FAM114A1: variants seen among roughly 807,000 people sequenced by gnomAD.
FAM114A1 encodes family with sequence similarity 114 member A1.
Under a neutral mutation model 64.3 loss-of-function variants are expected in FAM114A1, and 62 were observed. That is an observed-to-expected ratio of 0.96 (90% confidence interval 0.79 to 1.19). FAM114A1 has a LOEUF of 1.19. FAM114A1 is among the 50% of genes most tolerant of loss of function. The pLI, the probability that FAM114A1 is intolerant of heterozygous loss-of-function variation, is 0.00. For missense variants in FAM114A1, 645 were observed against 676.3 expected (o/e 0.95, Z 0.51); for synonymous variants, 254 against 251.1 (o/e 1.01, Z -0.11).
chr4:38,868,936 G>T (rs1489337671), intron 2 of FAM114A1, among the ~76,000 whole-genome samples: 2 of 152,214 alleles, frequency 1.3e-5, no homozygotes, highest in Non-Finnish European at 2.9e-5. Flanking sequence ...GGAATGAGAC[G>T]TTAGGGATGG....
chr4:38,894,193 G>A lies in FAM114A1; in HGVS notation c.436+2363G>A, dbSNP rs537739438. Among the ~76,000 whole-genome samples, 494 of 146,958 alleles carry A rather than the reference G, an allele frequency of 3.4e-3. 5 individuals are homozygous for A. The highest frequency in any genetic ancestry group is 0.01 in the African/African-American group (416 of 39,730). On this transcript the variant is annotated intron_variant, in intron 4 of 14. Coordinates refer to ENST00000358869, the MANE Select transcript of FAM114A1 (RefSeq NM_138389.4). ...AAAAAAAAAAAAAAAAAAAAAGCAGGGTGTGATTTTTCACAGCAGGTCCCT... is the reference window on the plus strand; with the variant it reads ...AAAAAAAAAAAAAAAAAAAAAGCAGAGTGTGATTTTTCACAGCAGGTCCCT...
At chr4:38,908,838 C>A in intron 7 of FAM114A1, 112 bp downstream of exon 7, 1 of 1,113,092 alleles carries the variant, frequency 9.0e-7, no homozygotes, top group South Asian at 2.2e-5. Context: ...CAAATGACAC[C>A]AAAGAGCAGA....
intron 3 of FAM114A1, among the ~76,000 whole-genome samples, chr4:38,891,176 A>G (rs550001737): frequency 3.3e-4 from 50 of 152,336 alleles, no homozygotes; most frequent in African/African-American, 1.1e-3. Flanking sequence ...AGGAGTCACT[A>G]TGAGTGAAGC....
intron 9 of FAM114A1, among the ~76,000 whole-genome samples, chr4:38,924,796 C>T (rs1719953316): frequency 6.6e-6 from 1 of 152,096 alleles, no homozygotes; most frequent in Non-Finnish European, 1.5e-5. Flanking sequence ...CCAGGATGAA[C>T]TAATAGATGC....
intron 3 of FAM114A1, among the ~76,000 whole-genome samples, chr4:38,886,926 T>TAA (rs1715871297): frequency 8.7e-6 from 1 of 114,986 alleles, no homozygotes; most frequent in African/African-American, 3.7e-5. Context: ...AGACTCCGTC[T>TAA]CAAAAAAAAA....
chr4:38,917,090 T>C (rs1579371254), intron 8 of FAM114A1, among the ~76,000 whole-genome samples: 1 of 151,724 alleles, frequency 6.6e-6, no homozygotes, highest in Admixed American at 6.6e-5. Context: ...GATCACCTGA[T>C]GTCAGGAGTT....
At chr4:38,876,278 TTG>T (rs1714629790) in intron 2 of FAM114A1, among the ~76,000 whole-genome samples, 1 of 151,516 alleles carries the variant, frequency 6.6e-6, no homozygotes, top group Non-Finnish European at 1.5e-5. Context: ...CAAGCAATTA[TTG>T]TGCCTCAGCC....
chr4:38,876,967 C>T (rs999699503), intron 2 of FAM114A1, among the ~76,000 whole-genome samples: 2 of 152,220 alleles, frequency 1.3e-5, no homozygotes, highest in African/African-American at 4.8e-5. Flanking sequence ...CTTGTGATTA[C>T]ATTTAAGGCC....
chr4:38,882,458 C>T (rs1194387821), intron 3 of FAM114A1, among the ~76,000 whole-genome samples: 1 of 151,770 alleles, frequency 6.6e-6, no homozygotes, highest in East Asian at 1.9e-4. Flanking sequence ...GGAGAAACCC[C>T]GTCTCTGCTA....
At chr4:38,895,798 A>T in intron 4 of FAM114A1, among the ~76,000 whole-genome samples, 1 of 152,366 alleles carries the variant, frequency 6.6e-6, no homozygotes, top group African/African-American at 2.4e-5. Context: ...AGGACAGCTT[A>T]TTACTGTACT....
At chr4:38,917,185 T>TAAAA (rs1560317353) in intron 8 of FAM114A1, among the ~76,000 whole-genome samples, 2 of 148,796 alleles carry the variant, frequency 1.3e-5, no homozygotes, top group African/African-American at 2.5e-5. Context: ...AATAAATAAA[T>TAAAA]AAAAAAGCTG....
intron 11 of FAM114A1, 103 bp from the exon 12 acceptor site, chr4:38,932,132 T>TG: frequency 7.9e-7 from 1 of 1,268,890 alleles, no homozygotes; most frequent in Non-Finnish European, 1.1e-6. Flanking sequence ...GGGTTATATT[T>TG]GGGGTATTTT....
chr4:38,873,034 T>A (rs1714240378), intron 2 of FAM114A1, among the ~76,000 whole-genome samples: 1 of 152,226 alleles, frequency 6.6e-6, no homozygotes, highest in South Asian at 2.1e-4. Flanking sequence ...CCATCAATTC[T>A]ACTCACCTCC....
chr4:38,869,663 A>C (rs1713827004), intron 2 of FAM114A1, among the ~76,000 whole-genome samples: 1 of 152,082 alleles, frequency 6.6e-6, no homozygotes, highest in Admixed American at 6.5e-5. Flanking sequence ...AACCTGATTA[A>C]GAGCCTCTCA....
chr4:38,940,972 A>G lies in FAM114A1; in HGVS notation c.1541A>G (p.Asn514Ser). The change falls in exon 14 of 15, where the codon AAC (asparagine) becomes AGC (serine). Residue 514 changes from asparagine to serine, a missense_variant. Coordinates refer to ENST00000358869, the MANE Select transcript of FAM114A1 (RefSeq NM_138389.4). ...TTCATACTTCTGATTCCACAGAGCAACAAGAAGGCCGAGGTCCTTAACCCC... is the reference window on the plus strand; with the variant it reads ...TTCATACTTCTGATTCCACAGAGCAGCAAGAAGGCCGAGGTCCTTAACCCC... Reference protein sequence around the residue: ...FTNSLTTVGSNKKAEVLNPMI... With the variant: ...FTNSLTTVGSSKKAEVLNPMI... The G allele has an allele frequency of 6.2e-7, 1 of 1,614,194 alleles. No homozygotes were observed. Among genetic ancestry groups the G allele is most frequent in the East Asian group, 2.2e-5 (1 of 44,888 alleles).
chr4:38,926,318 C>T (rs892049260), intron 9 of FAM114A1, among the ~76,000 whole-genome samples: 1 of 152,176 alleles, frequency 6.6e-6, no homozygotes, highest in Admixed American at 6.5e-5. Context: ...GAGACCTTGT[C>T]GATGCTGCCC....
In FAM114A1 at chr4:38,919,913, G is replaced by T. The variant is rs573469154; in HGVS notation, c.946-2857G>T. ...TGCGGTGTTTGATAAAGGTTAAAGAGAAACTAATCATTTTCGGCTGGGCGC... is the reference window on the plus strand; with the variant it reads ...TGCGGTGTTTGATAAAGGTTAAAGATAAACTAATCATTTTCGGCTGGGCGC... On this transcript the variant is annotated intron_variant, in intron 8 of 14. Transcript: ENST00000358869. Among the ~76,000 whole-genome samples, 3 of 152,250 alleles carry T rather than the reference G, an allele frequency of 2.0e-5. No individual in the cohort carries two copies. The South Asian group carries it at 6.2e-4, about 32-fold the overall frequency.
At chr4:38,930,385 A>C (rs1195020591) in intron 10 of FAM114A1, among the ~76,000 whole-genome samples, 1 of 152,048 alleles carries the variant, frequency 6.6e-6, no homozygotes, top group African/African-American at 2.4e-5. Context: ...TGAGATGAGT[A>C]ATTTCTTTAT....
At chr4:38,901,960 A>G (rs1717564403) in intron 4 of FAM114A1, among the ~76,000 whole-genome samples, 1 of 152,252 alleles carries the variant, frequency 6.6e-6, no homozygotes, top group African/African-American at 2.4e-5. Flanking sequence ...ATTTTAGAAT[A>G]AAACAATGTT....
Sources: gnomAD v4.1 joint callset for allele counts (sites outside exome capture counted in the v4.1 genomes callset) on GRCh38, gnomAD v4.1.1 for gene constraint, MANE v1.5 for transcripts, NCBI Gene and HGNC (gene_info 2026-07-23, HGNC 2026-07-21) for gene names.